Variants in ADORA1 observed in about 807,000 individuals in gnomAD.
ADORA1 encodes the protein adenosine A1 receptor, also known as adenosine receptor A1.
ADORA1 carries 6 observed loss-of-function variants against 19.9 expected under a neutral mutation model. The ratio of observed to expected loss-of-function variants is 0.30; its 90% CI spans 0.17 to 0.59. ADORA1 has a LOEUF of 0.59. Ranked by LOEUF, ADORA1 falls within the 20% of genes least tolerant of loss-of-function variation. The pLI is 0.87. For synonymous variants in ADORA1, 194 were observed against 188.4 expected, an observed-to-expected ratio of 1.03 and a Z score of -0.24; for missense variants, 302 against 439.2, an observed-to-expected ratio of 0.69 and a Z score of 2.79.
At chr1:203,147,390 T>C (rs1247286340) in intron 3 of ADORA1, among the ~76,000 whole-genome samples, 1 of 152,214 alleles carries the variant, frequency 6.6e-6, no homozygotes, top group Non-Finnish European at 1.5e-5. Flanking sequence ...TGACGGACCC[T>C]GCAGGGATTT....
At chr1:203,130,854 C>T (rs1331730958) in intron 3 of ADORA1, among the ~76,000 whole-genome samples, 1 of 152,170 alleles carries the variant, frequency 6.6e-6, no homozygotes, top group Non-Finnish European at 1.5e-5. Flanking sequence ...CTTCAGGAGG[C>T]AGCTGCTGTG....
intron 3 of ADORA1, among the ~76,000 whole-genome samples, chr1:203,151,852 C>T (rs1655048259): frequency 6.6e-6 from 1 of 152,078 alleles, no homozygotes; most frequent in South Asian, 2.1e-4. Context: ...TTTCTCTTTA[C>T]ATTCCATCTT....
chr1:203,163,920 A>C (rs776277052), intron 3 of ADORA1, among the ~76,000 whole-genome samples: 2 of 152,192 alleles, frequency 1.3e-5, no homozygotes, highest in Non-Finnish European at 2.9e-5. Flanking sequence ...AGCTATTTAC[A>C]TGCTCAGGAG....
At chr1:203,127,952 C>G (rs1032964335) in intron 1 of ADORA1, 24 bp downstream of exon 1, 2 of 169,016 alleles carry the variant, frequency 1.2e-5, no homozygotes, top group African/African-American at 4.8e-5. Flanking sequence ...TCGGTTCACC[C>G]CTGGGGCTCC....
chr1:203,146,704 G>A (rs6686206), intron 3 of ADORA1, among the ~76,000 whole-genome samples: 107,732 of 151,866 alleles, frequency 0.71, 40,669 homozygotes, highest in Non-Finnish European at 0.85. Flanking sequence ...GCCAAGCTAA[G>A]AGGTCTGAGA....
chr1:203,150,679 G>C, intron 3 of ADORA1: 1 of 1,289,814 alleles, frequency 7.8e-7, no homozygotes, highest in Non-Finnish European at 1.0e-6. Context: ...AGGAAGAACT[G>C]AAGTTAGACT....
chr1:203,151,132 G>A (rs904319468), intron 3 of ADORA1, among the ~76,000 whole-genome samples: 1 of 152,212 alleles, frequency 6.6e-6, no homozygotes, highest in Non-Finnish European at 1.5e-5. Context: ...AAGCGTTCAG[G>A]GTTCCAGGCA....
At chr1:203,162,449 C>T (rs1655402073) in intron 3 of ADORA1, among the ~76,000 whole-genome samples, 1 of 152,090 alleles carries the variant, frequency 6.6e-6, no homozygotes, top group African/African-American at 2.4e-5. Flanking sequence ...CTAGGGCTAT[C>T]ACTGTCTACC....
chr1:203,155,830 C>A (rs1655182743), intron 3 of ADORA1, among the ~76,000 whole-genome samples: 1 of 152,214 alleles, frequency 6.6e-6, no homozygotes, highest in Non-Finnish European at 1.5e-5. Context: ...AGCAGTGGAT[C>A]CCCTACAGCT....
chr1:203,130,040 T>G (rs1654282827), intron 3 of ADORA1, among the ~76,000 whole-genome samples: 1 of 152,204 alleles, frequency 6.6e-6, no homozygotes. Context: ...CTGGGCATAT[T>G]GCCAGGGACT....
intron 3 of ADORA1, among the ~76,000 whole-genome samples, chr1:203,162,608 C>G (rs561041417): frequency 9.2e-5 from 14 of 152,180 alleles, no homozygotes; most frequent in Non-Finnish European, 5.9e-5. Context: ...TGAAGTTCCC[C>G]TTTTAAATCT....
intron 3 of ADORA1, among the ~76,000 whole-genome samples, chr1:203,140,397 C>T (rs185803007): frequency 1.8e-4 from 28 of 152,240 alleles, no homozygotes; most frequent in South Asian, 6.2e-4. Flanking sequence ...TCCGGGCTTA[C>T]GGCTTAAGCC....
intron 3 of ADORA1, among the ~76,000 whole-genome samples, chr1:203,157,726 T>C (rs1468617429): frequency 6.6e-6 from 1 of 152,216 alleles, no homozygotes; most frequent in Non-Finnish European, 1.5e-5. Flanking sequence ...ATCAGCACCA[T>C]GTGGACACTG....
At chr1:203,148,241 A>G (rs1654923904) in intron 3 of ADORA1, among the ~76,000 whole-genome samples, 1 of 152,098 alleles carries the variant, frequency 6.6e-6, no homozygotes, top group Admixed American at 6.5e-5. Context: ...ACACAAATAC[A>G]TGCTTTGGAG....
intron 3 of ADORA1, among the ~76,000 whole-genome samples, chr1:203,144,473 G>A (rs1654799763): frequency 6.6e-6 from 1 of 152,110 alleles, no homozygotes; most frequent in Non-Finnish European, 1.5e-5. Context: ...TTATGAAGAG[G>A]TCCTAATAGT....
rs769956744 is a variant in ADORA1, at chr1:203,165,103, C to G, written c.342-158C>G. On this transcript the variant is annotated intron_variant, in intron 3 of 3. Coordinates refer to ENST00000337894, the MANE Select transcript of ADORA1 (RefSeq NM_000674.3). The surrounding 1 kb of genome is among the most constrained non-coding windows in gnomAD (Gnocchi z 5.9). The stretch of plus-strand genomic sequence containing the variant: ...AGCACTAAATCTTAGATCCTGAAGA[C>G]TCAGCCCTCGAGCAAAAGACATGCA... 10 of 1,551,388 alleles carry G rather than the reference C, an allele frequency of 6.4e-6. No individual in the cohort carries two copies. The highest frequency in any genetic ancestry group is 8.7e-6 in the Non-Finnish European group (10 of 1,147,318).
intron 3 of ADORA1, among the ~76,000 whole-genome samples, chr1:203,137,498 G>C (rs1221801798): frequency 6.6e-6 from 1 of 152,200 alleles, no homozygotes; most frequent in Admixed American, 6.5e-5. Context: ...TTGCCGTGTT[G>C]AGAATGTGCT....
rs767165645 is a variant in ADORA1 at position 203,165,146 on chromosome 1, C to T, written c.342-115C>T. On this transcript the variant is annotated intron_variant, in intron 3 of 3. Coordinates refer to ENST00000337894, the MANE Select transcript of ADORA1 (RefSeq NM_000674.3). The surrounding 1 kb of genome is among the most constrained non-coding windows in gnomAD (Gnocchi z 5.9). ...GACATGCACCTCCCCACTCACCGGGCCCTGGAAGAGGAGGGTGCTCCTCTT... is the reference window on the plus strand; with the variant it reads ...GACATGCACCTCCCCACTCACCGGGTCCTGGAAGAGGAGGGTGCTCCTCTT... 3.8e-6 allele frequency: 6 copies of T among 1,572,066 alleles called. No individual in the cohort carries two copies. The highest frequency in any genetic ancestry group is 5.2e-6 in the Non-Finnish European group (6 of 1,159,142).
intron 3 of ADORA1, among the ~76,000 whole-genome samples, chr1:203,154,536 G>A (rs1157876552): frequency 6.6e-6 from 1 of 152,180 alleles, no homozygotes; most frequent in Admixed American, 6.5e-5. Context: ...CCGGAGCCCA[G>A]GGGCTGCAGT....
Sources: gnomAD v4.1 joint callset for allele counts (sites outside exome capture counted in the v4.1 genomes callset) on GRCh38, gnomAD v4.1.1 for gene constraint, Gnocchi (gnomAD v3.1) non-coding constraint, MANE v1.5 for transcripts, NCBI Gene and HGNC (gene_info 2026-07-23, HGNC 2026-07-21) for gene names.